Variants in DGKG observed in about 807,000 individuals in gnomAD.
DGKG encodes the protein diacylglycerol kinase gamma, also known as DAG kinase gamma.
Under a neutral mutation model 105.3 loss-of-function variants are expected in DGKG, and 78 were observed. That is an observed-to-expected ratio of 0.74 (90% CI 0.62 to 0.89). DGKG has a LOEUF of 0.89. DGKG is among the 40% of genes least tolerant of loss of function. The pLI is 0.00. For missense variants in DGKG, 958 were observed against 1,020.1 expected, an observed-to-expected ratio of 0.94 and a Z score of 0.83; for synonymous variants, 346 against 367.1, an observed-to-expected ratio of 0.94 and a Z score of 0.66.
chr3:186,271,397 A>G (rs1722310890), intron 11 of DGKG, among the ~76,000 whole-genome samples: 1 of 152,118 alleles, frequency 6.6e-6, no homozygotes, highest in Admixed American at 6.5e-5. Context: ...TGACAGTCAA[A>G]ATACCCAATA....
intron 24 of DGKG, among the ~76,000 whole-genome samples, chr3:186,151,938 A>T (rs1383602565): frequency 1.3e-5 from 2 of 151,984 alleles, no homozygotes; most frequent in Admixed American, 1.3e-4. Flanking sequence ...AATTAGTTGG[A>T]GGTGGTGGCA....
chr3:186,163,841 G>A (rs1180006115), intron 23 of DGKG, among the ~76,000 whole-genome samples: 1 of 152,112 alleles, frequency 6.6e-6, no homozygotes, highest in Non-Finnish European at 1.5e-5. Context: ...CTCAGTATTA[G>A]AGTCCTGGAG....
At chr3:186,314,553 G>C (rs567432380) in intron 2 of DGKG, among the ~76,000 whole-genome samples, 1 of 151,978 alleles carries the variant, frequency 6.6e-6, no homozygotes. Flanking sequence ...TCAGGAGTTC[G>C]AGACCAGCCT....
rs563560976 is a variant in DGKG, at chr3:186,231,300, T to A, written c.1826+11204A>T. Among the ~76,000 whole-genome samples the A allele has an allele frequency of 2.0e-5, 3 of 152,268 alleles. No homozygotes were observed. The East Asian group carries it at 5.8e-4, about 29-fold the overall frequency. On this transcript the variant is annotated intron_variant, in intron 20 of 24. Coordinates refer to ENST00000265022, the MANE Select transcript of DGKG (RefSeq NM_001346.3). The surrounding 1 kb of genome is among the most constrained non-coding windows in gnomAD (Gnocchi z 4.5). ...GTCATGGGGCACAAAACTGGGCACA[T>A]GGAGAGGCAGGGAATTGTAGCAGGC...
chr3:186,299,826 TTTCTTTCTTTC>T (rs1578798390), intron 3 of DGKG, among the ~76,000 whole-genome samples: 2 of 91,428 alleles, frequency 2.2e-5, no homozygotes, highest in South Asian at 7.3e-4. Flanking sequence ...TCTTTCTTTC[TTTCTTTCTTTC>T]TTTTTTTTTT....
chr3:186,265,698 C>G (rs537088558), intron 13 of DGKG, among the ~76,000 whole-genome samples: 2 of 119,308 alleles, frequency 1.7e-5, no homozygotes, highest in African/African-American at 6.4e-5. Flanking sequence ...GAGTCTCGCT[C>G]TATTGCCAGG....
intron 21 of DGKG, among the ~76,000 whole-genome samples, chr3:186,202,237 G>C (rs1578658234): frequency 2.0e-5 from 3 of 152,350 alleles, no homozygotes; most frequent in Middle Eastern, 3.4e-3. Flanking sequence ...TATAACACGT[G>C]TGTGTGCACA....
chr3:186,162,019 C>T (rs938120810), intron 23 of DGKG, among the ~76,000 whole-genome samples: 3 of 152,112 alleles, frequency 2.0e-5, no homozygotes, highest in Non-Finnish European at 4.4e-5. Flanking sequence ...CTCAGCCTCC[C>T]GAGTAGATGG....
At chr3:186,357,001 T>C (rs892588964) in intron 1 of DGKG, among the ~76,000 whole-genome samples, 18 of 152,074 alleles carry the variant, frequency 1.2e-4, no homozygotes, top group African/African-American at 1.7e-4. Flanking sequence ...CAGAGGCTCA[T>C]GCATGCACAG....
intron 21 of DGKG, among the ~76,000 whole-genome samples, chr3:186,192,474 T>C (rs1407539160): frequency 1.3e-5 from 2 of 152,180 alleles, no homozygotes; most frequent in Non-Finnish European, 2.9e-5. Context: ...TGGTGAGAGC[T>C]TTCTAGGGCA....
chr3:186,248,767 GCTCTAGAGTTCA>G (rs1721067209), intron 19 of DGKG, among the ~76,000 whole-genome samples: 1 of 152,134 alleles, frequency 6.6e-6, no homozygotes, highest in African/African-American at 2.4e-5. Flanking sequence ...AGCTCAGTTG[GCTCTAGAGTTCA>G]AATATTATGA....
At chr3:186,306,227 C>T (rs113343051) in intron 3 of DGKG, among the ~76,000 whole-genome samples, 1,652 of 152,130 alleles carry the variant, frequency 0.011, 31 homozygotes, top group African/African-American at 0.037. Context: ...TGTACAGTTT[C>T]GCTGTAAAAC....
In DGKG at chr3:186,284,179, C is replaced by T. The variant is rs1310119285; in HGVS notation, c.594+481G>A. ...GAGTAGGAGAGGCAGCCAAGGGTGA[C>T]GGCAAAGCACATCAGCAGTGACCAG... On this transcript the variant is annotated intron_variant, in intron 7 of 24. Transcript: ENST00000265022. This position sits in a 1 kb window ranked among gnomAD's most constrained non-coding sequence, Gnocchi z 4.0. 6.6e-6 allele frequency among the ~76,000 whole-genome samples: 1 copy of T among 152,118 alleles called. No homozygotes were observed. Among genetic ancestry groups the T allele is most frequent in the African/African-American group, 2.4e-5 (1 of 41,410 alleles).
chr3:186,271,520 G>A lies in DGKG; in HGVS notation c.999+735C>T, dbSNP rs150633897. 2.6e-5 allele frequency among the ~76,000 whole-genome samples: 4 copies of A among 152,266 alleles called. No individual in the cohort carries two copies. In the East Asian group the frequency reaches 7.7e-4, roughly 29 times the overall value. ...CTGCCTTTTACCTCAAGTATTGGAAGAGTTTCCCTCCCCTGATTTCTCTCC... is the reference window on the plus strand; with the variant it reads ...CTGCCTTTTACCTCAAGTATTGGAAAAGTTTCCCTCCCCTGATTTCTCTCC... On this transcript the variant is annotated intron_variant, in intron 11 of 24. Transcript: ENST00000265022.
At chr3:186,293,318 G>A (rs1723396725) in intron 5 of DGKG, among the ~76,000 whole-genome samples, 1 of 152,062 alleles carries the variant, frequency 6.6e-6, no homozygotes, top group African/African-American at 2.4e-5. Context: ...GATCTTTGTT[G>A]TTTCTTTATT....
chr3:186,308,939 G>A (rs1724385093), intron 2 of DGKG, among the ~76,000 whole-genome samples: 1 of 152,232 alleles, frequency 6.6e-6, no homozygotes, highest in Non-Finnish European at 1.5e-5. Context: ...TACAGATGAA[G>A]AAGCTGAAAT....
At chr3:186,240,127 A>G (rs1316103969) in intron 20 of DGKG, among the ~76,000 whole-genome samples, 2 of 152,056 alleles carry the variant, frequency 1.3e-5, no homozygotes, top group Admixed American at 1.3e-4. Flanking sequence ...TTGCTCTTCC[A>G]CAAGTATACT....
chr3:186,292,677 C>T (rs1258037291), intron 5 of DGKG, among the ~76,000 whole-genome samples: 2 of 152,012 alleles, frequency 1.3e-5, no homozygotes, highest in Non-Finnish European at 2.9e-5. Flanking sequence ...GCCTGTAATC[C>T]CAGCTACCCA....
At chr3:186,164,859 G>A (rs757168551) in intron 23 of DGKG, 39 bp downstream of exon 23, 12 of 1,588,598 alleles carry the variant, frequency 7.6e-6, no homozygotes, top group South Asian at 5.7e-5. Flanking sequence ...GTACGCAGGC[G>A]GGGAGATGCA....
Sources: allele counts gnomAD v4.1 joint callset (sites outside exome capture counted in the v4.1 genomes callset), GRCh38; gene constraint gnomAD v4.1.1; non-coding constraint Gnocchi (gnomAD v3.1); transcripts MANE v1.5; gene names NCBI Gene and HGNC (gene_info 2026-07-23, HGNC 2026-07-21).